The following SLC35F5 variants were observed in gnomAD, a reference collection of about 807,000 sequenced individuals.
The protein encoded by SLC35F5 is HCV NS5A-transactivated protein 3.
In SLC35F5, 54 loss-of-function variants were observed where a neutral mutation model predicts 68.6. The observed-to-expected ratio is 0.79, with a 90% CI of 0.63 to 0.99. The LOEUF is 0.99. Ranked by LOEUF, SLC35F5 falls within the 50% of genes least tolerant of loss-of-function variation. The pLI is 0.00. For synonymous variants in SLC35F5, 211 were observed against 205.2 expected (o/e 1.03, Z -0.24); for missense variants, 567 against 626.9 (o/e 0.90, Z 1.02).
rs151000946 is a variant in SLC35F5, at chr2:113,724,345, T to C, written c.1250+1033A>G. 6.0e-3 allele frequency among the ~76,000 whole-genome samples: 911 copies of C among 152,288 alleles called. 13 individuals carry two copies. Among genetic ancestry groups the C allele is most frequent in the African/African-American group, 0.021 (867 of 41,566 alleles). ...GCTAAAGCCTTTTGTCATCTGTTAA[T>C]AGTTAAGGTTAAAAAAATCGAGTAT... On this transcript the variant is annotated intron_variant, in intron 12 of 15. Coordinates refer to ENST00000245680, the MANE Select transcript of SLC35F5 (RefSeq NM_025181.5).
chr2:113,727,863 G>T (rs1210629056), intron 11 of SLC35F5, among the ~76,000 whole-genome samples: 2 of 152,084 alleles, frequency 1.3e-5, no homozygotes, highest in Non-Finnish European at 2.9e-5. Context: ...TTTCTTGCAA[G>T]TTGTCAATGT....
At chr2:113,716,571 C>T (rs562419684) in intron 15 of SLC35F5, among the ~76,000 whole-genome samples, 24 of 152,296 alleles carry the variant, frequency 1.6e-4, no homozygotes, top group African/African-American at 5.1e-4. Flanking sequence ...TGAAAATAAT[C>T]TGTCCTCGTT....
rs907580996 is a variant in SLC35F5 at position 113,714,420 on chromosome 2, A to G, written c.*798T>C. 5.9e-5 allele frequency: 9 copies of G among 152,222 alleles called. No individual in the cohort carries two copies. Among genetic ancestry groups the G allele is most frequent in the African/African-American group, 1.4e-4 (6 of 41,564 alleles). The allele number at this position is 152,222 out of a possible 1,614,324, so 9.4% of individuals were successfully genotyped here. ...TCAATTTAAATCATTCCATTATGAA[A>G]ATTTCTTAATTGAAGGGAGACTATT... On this transcript the variant is annotated 3_prime_UTR_variant, in exon 16 of 16. Transcript: ENST00000245680.
rs1687627195 is a variant in SLC35F5 at position 113,725,551 on chromosome 2, A to G, written c.1091-14T>C. The G allele has an allele frequency of 6.4e-7, 1 of 1,560,330 alleles. No homozygotes were observed. The highest frequency in any genetic ancestry group is 1.4e-5 in the African/African-American group (1 of 71,748). ...AACCTACAAAACCTGAACATGTATA[A>G]AAGAGACAAGAGTTAAAATTGATTT... On this transcript the variant is annotated splice_polypyrimidine_tract_variant and intron_variant, in intron 11 of 15. Coordinates refer to ENST00000245680, the MANE Select transcript of SLC35F5 (RefSeq NM_025181.5).
At chr2:113,705,615 GA>G (rs551197574), downstream of SLC35F5, 137 of 152,156 alleles carry the variant, frequency 9.0e-4, no homozygotes, top group African/African-American at 3.2e-3. Flanking sequence ...GGTTAGGATT[GA>G]CAAATGACTA....
In SLC35F5 at chr2:113,709,853, C is replaced by T. The variant is rs1024055663; in HGVS notation, c.*5365G>A. 6.6e-5 allele frequency among the ~76,000 whole-genome samples: 10 copies of T among 152,166 alleles called. No homozygotes were observed. Among genetic ancestry groups the T allele is most frequent in the Non-Finnish European group, 1.2e-4 (8 of 68,014 alleles). ...AACAGACAGGGTCTCACTTTGCTGCCCAGGCTGGACTGCAGTGGCCCAATA... is the reference window on the plus strand; with the variant it reads ...AACAGACAGGGTCTCACTTTGCTGCTCAGGCTGGACTGCAGTGGCCCAATA... On this transcript the variant is annotated 3_prime_UTR_variant, in exon 16 of 16. Transcript: ENST00000245680.
chr2:113,720,503 G>A (rs923875612), intron 13 of SLC35F5, among the ~76,000 whole-genome samples: 1 of 152,054 alleles, frequency 6.6e-6, no homozygotes, highest in Admixed American at 6.6e-5. Flanking sequence ...TTTTTAACAT[G>A]CATGCCCTAT....
intron 3 of SLC35F5, among the ~76,000 whole-genome samples, chr2:113,753,369 G>C (rs1398344236): frequency 6.6e-6 from 1 of 151,760 alleles, no homozygotes; most frequent in Non-Finnish European, 1.5e-5. Context: ...TAGAGACTGA[G>C]TTTCACCATG....
At position 113,709,267 on chromosome 2, in the gene SLC35F5, G is replaced by A. The variant is rs1009748701; in HGVS notation, c.*5951C>T. 6.7e-6 allele frequency among the ~76,000 whole-genome samples: 1 copy of A among 150,254 alleles called. No individual in the cohort carries two copies. The highest frequency in any genetic ancestry group is 2.5e-5 in the African/African-American group (1 of 40,638). ...ATTGTCTCTGGAACTACAAAACTAC[G>A]GCCTATGTGGTGTCACTGTTATTAC... On this transcript the variant is annotated 3_prime_UTR_variant, in exon 16 of 16. Transcript: ENST00000245680.
intron 5 of SLC35F5, among the ~76,000 whole-genome samples, chr2:113,744,973 C>A (rs1286253382): frequency 2.0e-5 from 3 of 151,928 alleles, no homozygotes; most frequent in African/African-American, 4.8e-5. Flanking sequence ...ATTAACAGAA[C>A]TTTTTTTTAT....
At chr2:113,732,785 A>C (rs1687947641) in intron 9 of SLC35F5, among the ~76,000 whole-genome samples, 1 of 152,196 alleles carries the variant, frequency 6.6e-6, no homozygotes, top group Non-Finnish European at 1.5e-5. Flanking sequence ...TTTAATCCTC[A>C]TAATAATCCT....
At position 113,730,358 on chromosome 2, in the gene SLC35F5, ATTTT is replaced by A. The variant is rs554688324; in HGVS notation, c.986-857_986-854del. Among the ~76,000 whole-genome samples, 432 of 152,198 alleles carry A rather than the reference ATTTT, an allele frequency of 2.8e-3. 2 individuals carry two copies. The highest frequency in any genetic ancestry group is 9.7e-3 in the African/African-American group (402 of 41,522). ...ATTCAAAAGACGAATGTTTTATTAA[ATTTT>A]TTTTATTATTTTCAAACTTTTTTTA... On this transcript the variant is annotated intron_variant, in intron 10 of 15. Transcript: ENST00000245680.
intron 1 of SLC35F5, chr2:113,755,820 T>C (rs547259846): frequency 1.9e-6 from 3 of 1,541,774 alleles, no homozygotes; most frequent in East Asian, 2.4e-5. Context: ...AGAAAATAGC[T>C]TCTCTGAGTT....
chr2:113,737,084 T>A (rs1314091106), intron 7 of SLC35F5, among the ~76,000 whole-genome samples: 1 of 152,094 alleles, frequency 6.6e-6, no homozygotes, highest in Admixed American at 6.5e-5. Context: ...TAATGGCTAG[T>A]TTTTGGTGTC....
In SLC35F5 at chr2:113,711,739, T is replaced by G. The variant is rs909882266; in HGVS notation, c.*3479A>C. Among the ~76,000 whole-genome samples, 7 of 152,188 alleles carry G rather than the reference T, an allele frequency of 4.6e-5. No individual in the cohort carries two copies. Among genetic ancestry groups the G allele is most frequent in the African/African-American group, 1.4e-4 (6 of 41,452 alleles). On this transcript the variant is annotated 3_prime_UTR_variant, in exon 16 of 16. Coordinates refer to ENST00000245680, the MANE Select transcript of SLC35F5 (RefSeq NM_025181.5). ...GTTACAGGTAATTATTTCTGTTAAC[T>G]CCTCCTAAAATATTATTTAGTAATA...
chr2:113,717,587 G>A, intron 15 of SLC35F5, 166 bp downstream of exon 15: 1 of 487,862 alleles, frequency 2.0e-6, no homozygotes, highest in Non-Finnish European at 3.6e-6. Flanking sequence ...CTTGCACAGG[G>A]CCACACAGCT....
In SLC35F5 at chr2:113,708,266, AC is replaced by A. The variant is rs1274983896; in HGVS notation, c.*6951del. On this transcript the variant is annotated 3_prime_UTR_variant, in exon 16 of 16. Transcript: ENST00000245680. Reference sequence around the variant, plus strand: ...TAGATGGCTGGGGAAAGGTAAAAGAACCCCGGTTGTGATTATTTTTTTCTAA... The same window carrying A: ...TAGATGGCTGGGGAAAGGTAAAAGAACCCGGTTGTGATTATTTTTTTCTAA... Among the ~76,000 whole-genome samples the A allele has an allele frequency of 2.0e-5, 3 of 152,314 alleles. No individual in the cohort carries two copies. Among genetic ancestry groups the A allele is most frequent in the South Asian group, 4.1e-4 (2 of 4,826 alleles).
chr2:113,715,314 C>G lies in SLC35F5; in HGVS notation c.*23-119G>C, dbSNP rs556001410. On this transcript the variant is annotated intron_variant, in intron 15 of 15. Transcript: ENST00000245680. ...TTGAAATACCTATTTTCACTGTATA[C>G]ATACTTAATAACTGGATACTCAAAT... 8.5e-5 allele frequency: 13 copies of G among 152,282 alleles called. No individual in the cohort carries two copies. The East Asian group carries it at 2.5e-3, about 29-fold the overall frequency. The allele number at this position is 152,282 out of a possible 1,614,324, so 9.4% of individuals were successfully genotyped here. A position where few individuals can be genotyped will look rare whatever the true frequency, so the allele number is the denominator to read the frequency against.
chr2:113,747,634 T>C (rs1054679763), intron 4 of SLC35F5, among the ~76,000 whole-genome samples: 5 of 152,224 alleles, frequency 3.3e-5, no homozygotes, highest in Non-Finnish European at 7.3e-5. Flanking sequence ...GCTATCATCA[T>C]TGTTCACCTG....
Sources: gnomAD v4.1 joint callset for allele counts (sites outside exome capture counted in the v4.1 genomes callset) on GRCh38, gnomAD v4.1.1 for gene constraint, MANE v1.5 for transcripts, NCBI Gene and HGNC (gene_info 2026-07-23, HGNC 2026-07-21) for gene names.